UBAP2: variants seen among roughly 807,000 people sequenced by gnomAD.
UBAP2 encodes the protein ubiquitin associated protein 2.
UBAP2 carries 75 observed loss-of-function variants against 139.6 expected under a neutral mutation model. That is an observed-to-expected ratio of 0.54 (90% confidence interval 0.45 to 0.65). UBAP2 has a LOEUF of 0.65. UBAP2 is among the 30% of genes least tolerant of loss of function. The pLI is 0.00. For synonymous variants in UBAP2, 526 were observed against 526.2 expected (o/e 1.00, Z 0.01); for missense variants, 1,368 against 1,369.6 (o/e 1.00, Z 0.02).
intron 2 of UBAP2, among the ~76,000 whole-genome samples, chr9:34,015,281 AG>A (rs932914186): frequency 2.0e-4 from 31 of 152,266 alleles, no homozygotes; most frequent in African/African-American, 7.5e-4. Context: ...AACCAAATTG[AG>A]GAGGAGGGAG....
At chr9:34,010,368 GA>G (rs1823643907) in intron 2 of UBAP2, among the ~76,000 whole-genome samples, 6 of 145,902 alleles carry the variant, frequency 4.1e-5, no homozygotes, top group Admixed American at 3.5e-4. Context: ...AGGTTGCAGT[GA>G]GCCCAGATCG....
chr9:34,026,920 A>T (rs1371749461), intron 1 of UBAP2, among the ~76,000 whole-genome samples: 1 of 152,114 alleles, frequency 6.6e-6, no homozygotes, highest in Non-Finnish European at 1.5e-5. Context: ...TCTTCTATAC[A>T]ACAGCATAAC....
chr9:34,044,843 G>T (rs145878205), intron 1 of UBAP2, among the ~76,000 whole-genome samples: 2,312 of 152,152 alleles, frequency 0.015, 50 homozygotes, highest in African/African-American at 0.052. Context: ...TCCAACCTGG[G>T]TGACAGAGCG....
At position 33,949,182 on chromosome 9, in the gene UBAP2, AAATAAATAAAAAT is replaced by A. The variant is rs1427749041; in HGVS notation, c.1057-608_1057-596del. ...ACTCCATCTCAAAAAATAAATAAATAAATAAATAAAAATAAAATAAAATAATAAAAAGTGATGT... is the reference window on the plus strand; with the variant it reads ...ACTCCATCTCAAAAAATAAATAAATAAAAATAAAATAATAAAAAGTGATGT... On this transcript the variant is annotated intron_variant, in intron 12 of 28. Coordinates refer to ENST00000379238, the MANE Select transcript of UBAP2 (RefSeq NM_001370062.2). Among the ~76,000 whole-genome samples, 3 of 142,248 alleles carry A rather than the reference AAATAAATAAAAAT, an allele frequency of 2.1e-5. No individual in the cohort carries two copies. The South Asian group carries it at 6.9e-4, about 33-fold the overall frequency. 93.3% of individuals were successfully genotyped at this position (142,248 alleles called of 152,430 possible). A position where few individuals can be genotyped will look rare whatever the true frequency, so the allele number is the denominator to read the frequency against.
At chr9:33,937,599 CAAAAA>C (rs1185167927) in intron 16 of UBAP2, among the ~76,000 whole-genome samples, 1 of 85,510 alleles carries the variant, frequency 1.2e-5, no homozygotes, top group Admixed American at 1.3e-4. Flanking sequence ...GACTCTGTCT[CAAAAA>C]AAAAAAAAAA....
intron 1 of UBAP2, among the ~76,000 whole-genome samples, chr9:34,044,547 G>C (rs1332213446): frequency 1.3e-5 from 2 of 151,984 alleles, no homozygotes; most frequent in Admixed American, 1.3e-4. Context: ...GGGCGACAGA[G>C]AAAGACTGTC....
At chr9:33,946,038 ACACT>A (rs953513142) in intron 13 of UBAP2, among the ~76,000 whole-genome samples, 4 of 152,214 alleles carry the variant, frequency 2.6e-5, no homozygotes, top group African/African-American at 9.6e-5. Context: ...CCTTTTTAAC[ACACT>A]CTAATATCAA....
chr9:33,936,127 T>TGC (rs1382735539), intron 16 of UBAP2, among the ~76,000 whole-genome samples: 2 of 152,038 alleles, frequency 1.3e-5, no homozygotes, highest in Non-Finnish European at 2.9e-5. Flanking sequence ...GGACTACAGG[T>TGC]GCATCCTACC....
intron 6 of UBAP2, among the ~76,000 whole-genome samples, chr9:33,984,664 T>TGA (rs1339802104): frequency 6.8e-6 from 1 of 147,670 alleles, no homozygotes; most frequent in African/African-American, 2.5e-5. Flanking sequence ...GGCAACAGAG[T>TGA]GAGACACTGT....
chr9:33,993,760 T>C (rs572165745), intron 4 of UBAP2, among the ~76,000 whole-genome samples: 22 of 152,292 alleles, frequency 1.4e-4, no homozygotes, highest in African/African-American at 5.3e-4. Context: ...GTGTATTCTT[T>C]CACAACTATA....
At chr9:33,979,279 C>A (rs1050847951) in intron 6 of UBAP2, among the ~76,000 whole-genome samples, 1 of 152,150 alleles carries the variant, frequency 6.6e-6, no homozygotes, top group Non-Finnish European at 1.5e-5. Context: ...TTGACTCAAT[C>A]TCACCAAAAG....
chr9:33,986,720 C>G (rs1291752478), intron 6 of UBAP2, 40 bp downstream of exon 6: 4 of 1,563,096 alleles, frequency 2.6e-6, no homozygotes, highest in Non-Finnish European at 3.5e-6. Flanking sequence ...GCTTCTTCCC[C>G]CTAATTGAAA....
At chr9:33,932,451 C>T (rs969682048) in intron 19 of UBAP2, 111 bp downstream of exon 19, 15 of 1,262,894 alleles carry the variant, frequency 1.2e-5, no homozygotes, top group Admixed American at 2.2e-5. Flanking sequence ...TTCAGCCAAG[C>T]AACTCTAGAT....
At chr9:33,954,792 CATA>C (rs2130982461) in intron 11 of UBAP2, among the ~76,000 whole-genome samples, 1 of 152,306 alleles carries the variant, frequency 6.6e-6, no homozygotes, top group South Asian at 2.1e-4. Flanking sequence ...TACTATAAGA[CATA>C]ATCATTAATC....
intron 2 of UBAP2, among the ~76,000 whole-genome samples, chr9:34,008,961 C>CCA (rs1491404489): frequency 3.0e-5 from 2 of 65,718 alleles, no homozygotes; most frequent in African/African-American, 1.3e-4. Context: ...GAGACTGTCT[C>CCA]AAAAAAAAAA....
At chr9:33,969,101 CCAGA>C (rs1432354963) in intron 8 of UBAP2, among the ~76,000 whole-genome samples, 1 of 152,090 alleles carries the variant, frequency 6.6e-6, no homozygotes, top group Non-Finnish European at 1.5e-5. Context: ...TTTTTTCCCC[CCAGA>C]CAGACCTGTT....
intron 16 of UBAP2, among the ~76,000 whole-genome samples, chr9:33,938,669 G>A (rs1392587975): frequency 1.3e-5 from 2 of 151,890 alleles, no homozygotes; most frequent in African/African-American, 4.8e-5. Context: ...GGTGATGGGT[G>A]CCTGTAATCA....
chr9:33,958,643 G>A (rs1826766088), intron 10 of UBAP2, among the ~76,000 whole-genome samples: 1 of 150,080 alleles, frequency 6.7e-6, no homozygotes, highest in South Asian at 2.1e-4. Context: ...CCTGACCTCA[G>A]GTGATCCGCC....
intron 11 of UBAP2, among the ~76,000 whole-genome samples, chr9:33,955,287 G>A (rs977957278): frequency 3.3e-5 from 5 of 151,992 alleles, no homozygotes; most frequent in African/African-American, 4.8e-5. Context: ...TTAGGAGGCC[G>A]AGGCTGGCGG....
Sources: gnomAD v4.1 joint callset for allele counts (sites outside exome capture counted in the v4.1 genomes callset) on GRCh38, gnomAD v4.1.1 for gene constraint, MANE v1.5 for transcripts, NCBI Gene and HGNC (gene_info 2026-07-23, HGNC 2026-07-21) for gene names.